The following CWC27 variants were observed in gnomAD, a reference collection of about 807,000 sequenced individuals.
CWC27 encodes spliceosome-associated protein CWC27 homolog.
Under a neutral mutation model 63.6 loss-of-function variants are expected in CWC27, and 47 were observed. The ratio of observed to expected loss-of-function variants is 0.74; its 90% CI spans 0.58 to 0.94. CWC27 has a LOEUF of 0.94. Among genes scored for constraint, CWC27 ranks in the 40% least tolerant of loss-of-function variants. The pLI, the probability that CWC27 is intolerant of heterozygous loss-of-function variation, is 0.00. For synonymous variants in CWC27, 175 were observed against 179.8 expected (o/e 0.97, Z 0.22); for missense variants, 495 against 554.3 (o/e 0.89, Z 1.07).
chr5:64,986,669 T>C lies in CWC27; in HGVS notation c.1256+9431T>C, dbSNP rs73760053. Among the ~76,000 whole-genome samples the C allele has an allele frequency of 9.6e-3, 1,468 of 152,200 alleles. 33 individuals carry two copies. Among genetic ancestry groups the C allele is most frequent in the African/African-American group, 0.034 (1,391 of 41,454 alleles). On this transcript the variant is annotated intron_variant, in intron 13 of 13. Transcript: ENST00000381070. Reference sequence around the variant, plus strand: ...CAGTGAACCCATCTAGACCTGATGCTTTTTGTTTTATCAGAGCCCCCCCCG... The same window carrying C: ...CAGTGAACCCATCTAGACCTGATGCCTTTTGTTTTATCAGAGCCCCCCCCG...
intron 10 of CWC27, among the ~76,000 whole-genome samples, chr5:64,842,566 T>G (rs1466843094): frequency 6.6e-6 from 1 of 151,732 alleles, no homozygotes; most frequent in Non-Finnish European, 1.5e-5. Flanking sequence ...CCTCCTAAAG[T>G]GCTGAGATTA....
Position 64,774,792 on chromosome 5 carries a change from G to GACTC in CWC27, c.139+5_139+6insACTC, listed in dbSNP as rs1743384526. Reference sequence around the variant, plus strand: ...TTATCCAACTTTGTTTGGAAGGTATGTTGACTTTTATTCTACTGGAGAAAT... The same window carrying GACTC: ...TTATCCAACTTTGTTTGGAAGGTATGACTCTTGACTTTTATTCTACTGGAGAAAT... On this transcript the variant is annotated splice_donor_region_variant and intron_variant, in intron 2 of 13. Transcript: ENST00000381070. 2 of 598,938 alleles carry GACTC rather than the reference G, an allele frequency of 3.3e-6. No individual in the cohort carries two copies. Among genetic ancestry groups the GACTC allele is most frequent in the African/African-American group, 2.8e-5 (1 of 36,162 alleles). The allele number at this position is 598,938 out of a possible 1,614,324, so 37.1% of individuals were successfully genotyped here. A position where few individuals can be genotyped will look rare whatever the true frequency, so the allele number is the denominator to read the frequency against.
chr5:64,896,676 GA>G (rs554273136), intron 11 of CWC27, among the ~76,000 whole-genome samples: 166 of 137,188 alleles, frequency 1.2e-3, no homozygotes, highest in Non-Finnish European at 1.4e-3. Context: ...ATGGAATTAG[GA>G]AAAAAAAAAA....
At chr5:64,870,126 G>A (rs1746632674) in intron 10 of CWC27, among the ~76,000 whole-genome samples, 1 of 152,026 alleles carries the variant, frequency 6.6e-6, no homozygotes, top group South Asian at 2.1e-4. Flanking sequence ...ATTTTGGGAG[G>A]TGATATCAAA....
intron 6 of CWC27, among the ~76,000 whole-genome samples, chr5:64,787,802 A>G (rs1743938872): frequency 6.6e-6 from 1 of 152,098 alleles, no homozygotes; most frequent in African/African-American, 2.4e-5. Flanking sequence ...GATCAATTCT[A>G]GATATAATCC....
At chr5:64,826,695 G>GTTTT (rs750357983) in intron 10 of CWC27, among the ~76,000 whole-genome samples, 3 of 84,944 alleles carry the variant, frequency 3.5e-5, no homozygotes, top group African/African-American at 1.4e-4. Flanking sequence ...TAACTTTGGT[G>GTTTT]TTTTTTTGTT....
Position 64,801,340 on chromosome 5 carries a change from T to C in CWC27, c.780+8T>C. The C allele has an allele frequency of 7.3e-7, 1 of 1,376,088 alleles. No individual in the cohort carries two copies. The highest frequency in any genetic ancestry group is 1.4e-5 in the South Asian group (1 of 71,886). 85.2% of individuals were successfully genotyped at this position (1,376,088 alleles called of 1,614,324 possible). ...GCACCAGATTTAGTTGATGTAAGTA[T>C]TTATTTTGGTATTAATATAGTTTGA... On this transcript the variant is annotated splice_region_variant and intron_variant, in intron 9 of 13. Transcript: ENST00000381070.
chr5:64,960,910 G>A (rs982325292), intron 11 of CWC27, among the ~76,000 whole-genome samples: 2 of 144,078 alleles, frequency 1.4e-5, no homozygotes, highest in African/African-American at 2.6e-5. Flanking sequence ...ACTACACCCA[G>A]CTCAATACAC....
At chr5:64,902,352 G>C (rs538258136) in intron 11 of CWC27, among the ~76,000 whole-genome samples, 1 of 152,238 alleles carries the variant, frequency 6.6e-6, no homozygotes, top group South Asian at 2.1e-4. Flanking sequence ...CACCACCTTT[G>C]TGTTTGCAGT....
At chr5:65,006,364 A>G (rs1196948643) in intron 13 of CWC27, among the ~76,000 whole-genome samples, 1 of 152,216 alleles carries the variant, frequency 6.6e-6, no homozygotes. Flanking sequence ...AGAGGTCAGT[A>G]TTGTGACCAG....
chr5:64,903,822 C>T (rs1580715899), intron 11 of CWC27, among the ~76,000 whole-genome samples: 2 of 152,148 alleles, frequency 1.3e-5, no homozygotes, highest in African/African-American at 2.4e-5. Context: ...TTATTAATAT[C>T]GTGCATTAAT....
intron 10 of CWC27, among the ~76,000 whole-genome samples, chr5:64,863,592 T>C (rs1746464783): frequency 6.6e-6 from 1 of 152,036 alleles, no homozygotes; most frequent in South Asian, 2.1e-4. Context: ...ACTCCTGGGC[T>C]CAAGTGATCC....
intron 10 of CWC27, among the ~76,000 whole-genome samples, chr5:64,858,956 A>T (rs948799169): frequency 6.6e-6 from 1 of 152,256 alleles, no homozygotes; most frequent in African/African-American, 2.4e-5. Context: ...TGTGCATCAT[A>T]GCAGTTCATA....
chr5:64,785,361 T>G, intron 4 of CWC27, 120 bp from the exon 5 acceptor site: 1 of 467,816 alleles, frequency 2.1e-6, no homozygotes, highest in Non-Finnish European at 3.7e-6. Flanking sequence ...AATGCATATA[T>G]TTTTATGTAA....
intron 13 of CWC27, among the ~76,000 whole-genome samples, chr5:65,008,433 G>T (rs1468687024): frequency 6.6e-6 from 1 of 152,216 alleles, no homozygotes; most frequent in Non-Finnish European, 1.5e-5. Context: ...GTACAGGGTG[G>T]ATTATTTAAG....
chr5:65,012,844 C>T (rs1561189008), intron 13 of CWC27, among the ~76,000 whole-genome samples: 2 of 152,142 alleles, frequency 1.3e-5, no homozygotes, highest in Non-Finnish European at 1.5e-5. Flanking sequence ...AGCTTTATTT[C>T]TGTGCCCTTT....
intron 11 of CWC27, among the ~76,000 whole-genome samples, chr5:64,891,019 T>C (rs1198111802): frequency 2.6e-5 from 4 of 152,168 alleles, no homozygotes; most frequent in African/African-American, 9.7e-5. Flanking sequence ...CAGCTGACAC[T>C]AGGTCAGGAA....
intron 11 of CWC27, among the ~76,000 whole-genome samples, chr5:64,921,650 A>G (rs1748000952): frequency 6.6e-6 from 1 of 152,112 alleles, no homozygotes; most frequent in African/African-American, 2.4e-5. Context: ...CATTTAGACC[A>G]TTTACATTCA....
chr5:65,009,725 A>G (rs1036872502), intron 13 of CWC27, among the ~76,000 whole-genome samples: 2 of 152,234 alleles, frequency 1.3e-5, no homozygotes, highest in Non-Finnish European at 2.9e-5. Context: ...TTGCAATCCA[A>G]GGAGAGAGCC....
Sources: gnomAD v4.1 joint callset for allele counts (sites outside exome capture counted in the v4.1 genomes callset) on GRCh38, gnomAD v4.1.1 for gene constraint, MANE v1.5 for transcripts, NCBI Gene and HGNC (gene_info 2026-07-23, HGNC 2026-07-21) for gene names.